The following CRTAC1 variants were observed in gnomAD, a reference collection of about 807,000 sequenced individuals.
The protein encoded by CRTAC1 is acidic secreted protein in cartilage.
Under a neutral mutation model 67.8 loss-of-function variants are expected in CRTAC1, and 37 were observed. That is an observed-to-expected ratio of 0.55 (90% confidence interval 0.42 to 0.72). CRTAC1 has a LOEUF of 0.72. Ranked by LOEUF, CRTAC1 falls within the 30% of genes least tolerant of loss-of-function variation. The pLI is 0.00. For synonymous variants in CRTAC1, 348 were observed against 371.0 expected (o/e 0.94, Z 0.71); for missense variants, 780 against 931.6 (o/e 0.84, Z 2.12).
At chr10:97,926,675 T>C (rs560647972) in intron 3 of CRTAC1, among the ~76,000 whole-genome samples, 2 of 152,322 alleles carry the variant, frequency 1.3e-5, no homozygotes, top group African/African-American at 4.8e-5. Flanking sequence ...ATAAAGCCTA[T>C]AAATAGCTCA....
chr10:97,935,716 G>C (rs1282604000), intron 3 of CRTAC1, among the ~76,000 whole-genome samples: 4 of 152,192 alleles, frequency 2.6e-5, no homozygotes, highest in Admixed American at 2.0e-4. Flanking sequence ...GTAGTGGGGG[G>C]CTCCTGAAGG....
chr10:97,910,986 C>T (rs2050681701), intron 5 of CRTAC1, among the ~76,000 whole-genome samples: 1 of 152,230 alleles, frequency 6.6e-6, no homozygotes, highest in Non-Finnish European at 1.5e-5. Context: ...ATGATGGGAG[C>T]TATGGAGTGG....
At chr10:97,912,118 A>G (rs1040851081) in intron 5 of CRTAC1, among the ~76,000 whole-genome samples, 2 of 151,922 alleles carry the variant, frequency 1.3e-5, no homozygotes, top group African/African-American at 4.8e-5. Context: ...TGATAATAAT[A>G]ATGGCTCCTT....
intron 1 of CRTAC1, among the ~76,000 whole-genome samples, chr10:98,025,917 G>C (rs955903160): frequency 6.6e-6 from 1 of 152,218 alleles, no homozygotes; most frequent in African/African-American, 2.4e-5. Flanking sequence ...GAACCCCAAA[G>C]TGAAAACCCT....
intron 2 of CRTAC1, among the ~76,000 whole-genome samples, chr10:97,990,638 A>G (rs1842427074): frequency 1.3e-5 from 2 of 152,224 alleles, no homozygotes; most frequent in Admixed American, 1.3e-4. Context: ...TCCCAAAGTA[A>G]GAATTTCTTT....
At chr10:97,912,016 C>T (rs555182782) in intron 5 of CRTAC1, among the ~76,000 whole-genome samples, 110 of 152,232 alleles carry the variant, frequency 7.2e-4, no homozygotes, top group African/African-American at 2.2e-3. Context: ...ACCACGGCAC[C>T]GGGGGTCAGA....
intron 5 of CRTAC1, among the ~76,000 whole-genome samples, chr10:97,910,215 A>C (rs1048627765): frequency 6.6e-6 from 1 of 152,364 alleles, no homozygotes; most frequent in South Asian, 2.1e-4. Flanking sequence ...TGTCACCCCC[A>C]AAAAAGTATG....
intron 2 of CRTAC1, among the ~76,000 whole-genome samples, chr10:97,950,667 C>T (rs1038836413): frequency 6.6e-6 from 1 of 152,190 alleles, no homozygotes; most frequent in East Asian, 1.9e-4. Context: ...ACCAGGTGAG[C>T]TCTTGCTGGT....
rs544512465 is a variant in CRTAC1 at position 97,884,880 on chromosome 10, T to C, written c.1487-529A>G. On this transcript the variant is annotated intron_variant, in intron 11 of 14. Coordinates refer to ENST00000370597, the MANE Select transcript of CRTAC1 (RefSeq NM_018058.7). ...ACCTGGTATGTTGGAAAGAGCATGG[T>C]GGGAAGTGGGTGGGAGACCTGGGGA... 3.0e-4 allele frequency among the ~76,000 whole-genome samples: 45 copies of C among 152,204 alleles called. 1 individual carries two copies. The South Asian group carries it at 8.9e-3, about 30-fold the overall frequency.
chr10:97,923,455 T>C (rs2050870498), intron 3 of CRTAC1, 55 bp from the exon 4 acceptor site: 2 of 1,609,070 alleles, frequency 1.2e-6, no homozygotes, highest in African/African-American at 1.3e-5. Flanking sequence ...GTCTTGGTTC[T>C]GATCTCTGGG....
At chr10:98,008,145 A>C (rs896589646) in intron 2 of CRTAC1, among the ~76,000 whole-genome samples, 2 of 152,184 alleles carry the variant, frequency 1.3e-5, no homozygotes, top group African/African-American at 4.8e-5. Context: ...CTTCCCAAAC[A>C]GACCCAGGCC....
intron 2 of CRTAC1, among the ~76,000 whole-genome samples, chr10:97,995,122 T>C (rs960509822): frequency 6.6e-6 from 1 of 152,220 alleles, no homozygotes; most frequent in African/African-American, 2.4e-5. Context: ...GCACAGTTCA[T>C]GTTTCTTTGC....
intron 3 of CRTAC1, among the ~76,000 whole-genome samples, chr10:97,929,351 G>A (rs532862619): frequency 1.3e-5 from 2 of 152,262 alleles, no homozygotes; most frequent in African/African-American, 2.4e-5. Flanking sequence ...GACTAGAAAA[G>A]GGGAACAAGA....
rs1270326244 is a variant in CRTAC1, at chr10:97,917,656, C to T, written c.559G>A (p.Gly187Ser). The T allele has an allele frequency of 1.3e-6, 2 of 1,541,050 alleles. No individual in the cohort carries two copies. Among genetic ancestry groups the T allele is most frequent in the African/African-American group, 2.7e-5 (2 of 73,108 alleles). ...GRSVACVDRK[G>S]SGRYSIYIAN... Reference sequence around the variant, plus strand: ...ATGTAGATAGAGTAGCGTCCAGAGCCCTGAGGAAGAAGGGAAGGGAGAGGT... The same window carrying T: ...ATGTAGATAGAGTAGCGTCCAGAGCTCTGAGGAAGAAGGGAAGGGAGAGGT... Residue 187 changes from glycine (G) to serine (S), a missense_variant and splice_region_variant, in exon 5 of 15, where the codon GGC (glycine) becomes AGC (serine). Transcript: ENST00000370597.
chr10:98,013,821 C>T (rs1388592194), intron 1 of CRTAC1, among the ~76,000 whole-genome samples: 3 of 152,224 alleles, frequency 2.0e-5, no homozygotes, highest in Admixed American at 6.5e-5. Flanking sequence ...CAGGGTTCTA[C>T]AGTAGTTGCC....
intron 13 of CRTAC1, 58 bp from the exon 14 acceptor site, chr10:97,880,450 G>A (rs921573632): frequency 6.3e-7 from 1 of 1,593,660 alleles, no homozygotes. Flanking sequence ...TACCAGCCCA[G>A]GCTCTGCCTG....
chr10:97,903,110 A>G (rs1008496443), intron 7 of CRTAC1, among the ~76,000 whole-genome samples: 3 of 150,444 alleles, frequency 2.0e-5, no homozygotes, highest in Non-Finnish European at 4.4e-5. Flanking sequence ...TTTATGTATT[A>G]TTAGTATTAT....
intron 2 of CRTAC1, among the ~76,000 whole-genome samples, chr10:97,978,346 A>G (rs182551647): frequency 6.6e-6 from 1 of 152,316 alleles, no homozygotes; most frequent in Admixed American, 6.5e-5. Flanking sequence ...TCACCTTGGT[A>G]GCGTTCCTTT....
At position 97,908,383 on chromosome 10, in the gene CRTAC1, G is replaced by A. The variant is rs139225096; in HGVS notation, c.716-236C>T. On this transcript the variant is annotated intron_variant, in intron 5 of 14. Coordinates refer to ENST00000370597, the MANE Select transcript of CRTAC1 (RefSeq NM_018058.7). ...GAAGGAAGGAGCTCAACCGGGCATG[G>A]GGACCCCACACAGAGGCCAGCATCT... 3.6e-3 allele frequency among the ~76,000 whole-genome samples: 552 copies of A among 152,300 alleles called. 5 individuals are homozygous for A. The highest frequency in any genetic ancestry group is 6.0e-3 in the Non-Finnish European group (407 of 68,024).
Sources: gnomAD v4.1 joint callset for allele counts (sites outside exome capture counted in the v4.1 genomes callset) on GRCh38, gnomAD v4.1.1 for gene constraint, MANE v1.5 for transcripts, NCBI Gene and HGNC (gene_info 2026-07-23, HGNC 2026-07-21) for gene names.